ATP9B: variants seen among roughly 807,000 people sequenced by gnomAD.
ATP9B encodes ATPase phospholipid transporting 9B, also known as probable phospholipid-transporting ATPase IIB.
ATP9B carries 110 observed loss-of-function variants against 146.1 expected under a neutral mutation model. That is an observed-to-expected ratio of 0.75 (90% confidence interval 0.65 to 0.88). ATP9B has a LOEUF of 0.88. Ranked by LOEUF, ATP9B falls within the 40% of genes least tolerant of loss-of-function variation. ATP9B has a pLI of 0.00. For missense variants in ATP9B, 1,499 were observed against 1,496.4 expected (o/e 1.00, Z -0.03); for synonymous variants, 604 against 569.7 (o/e 1.06, Z -0.86).
Position 79,181,741 on chromosome 18 carries a change from A to G in ATP9B, c.873+4834A>G, listed in dbSNP as rs115195588. 3.7e-3 allele frequency among the ~76,000 whole-genome samples: 562 copies of G among 152,102 alleles called. 3 individuals carry two copies. Among genetic ancestry groups the G allele is most frequent in the South Asian group, 0.024 (115 of 4,824 alleles). ...TTATTCTGAGTGTTGTAATCTCTGG[A>G]TGTTTCATACGTTTCTCTCATTTTT... On this transcript the variant is annotated intron_variant, in intron 8 of 29. Transcript: ENST00000426216.
intron 12 of ATP9B, among the ~76,000 whole-genome samples, chr18:79,256,413 C>T (rs1490128025): frequency 2.7e-5 from 4 of 150,676 alleles, no homozygotes; most frequent in African/African-American, 9.7e-5. Flanking sequence ...AAATCCCATG[C>T]TACCATCTTT....
chr18:79,236,551 T>C (rs964492913), intron 11 of ATP9B, among the ~76,000 whole-genome samples: 3 of 152,262 alleles, frequency 2.0e-5, no homozygotes, highest in Non-Finnish European at 2.9e-5. Flanking sequence ...TCTGAAGTTT[T>C]ATTGTTTCCT....
intron 11 of ATP9B, among the ~76,000 whole-genome samples, chr18:79,222,024 A>G (rs984613022): frequency 4.6e-5 from 7 of 152,090 alleles, no homozygotes; most frequent in African/African-American, 1.4e-4. Flanking sequence ...CCTGAGTTCA[A>G]CAGACATTTC....
chr18:79,128,991 T>A (rs2094334005), intron 5 of ATP9B, among the ~76,000 whole-genome samples: 2 of 152,192 alleles, frequency 1.3e-5, no homozygotes, highest in Non-Finnish European at 2.9e-5. Context: ...TAATGGCCCA[T>A]GTTCCCAGTT....
At position 79,373,989 on chromosome 18, in the gene ATP9B, G is replaced by A; in HGVS notation, c.3162G>A (p.Glu1054=). ...CCTTCACCGCACTGATCCTGACCGA[G>A]CTGCTGATGGTGGCGCTGACCGTCC... ...AISFTALILT[E]LLMVALTVRT... The change falls in exon 28 of 30, where the codon GAG becomes GAA. Residue 1054 remains glutamate, a synonymous_variant. Transcript: ENST00000426216. The A allele has an allele frequency of 6.2e-7, 1 of 1,614,178 alleles. No homozygotes were observed. Among genetic ancestry groups the A allele is most frequent in the Non-Finnish European group, 8.5e-7 (1 of 1,180,052 alleles).
At chr18:79,182,533 A>C (rs2095262871) in intron 8 of ATP9B, among the ~76,000 whole-genome samples, 1 of 151,964 alleles carries the variant, frequency 6.6e-6, no homozygotes, top group African/African-American at 2.4e-5. Flanking sequence ...ACCTGGGCTT[A>C]TGTGGGGCAC....
At chr18:79,290,610 C>T (rs745502968) in intron 13 of ATP9B, among the ~76,000 whole-genome samples, 10 of 152,322 alleles carry the variant, frequency 6.6e-5, no homozygotes, top group Middle Eastern at 3.4e-3. Flanking sequence ...GCGCAACATG[C>T]GCTGCACCCA....
At chr18:79,308,373 G>A (rs1012922613) in intron 15 of ATP9B, among the ~76,000 whole-genome samples, 2 of 152,160 alleles carry the variant, frequency 1.3e-5, no homozygotes, top group Non-Finnish European at 2.9e-5. Flanking sequence ...TGTTAGAGCC[G>A]GGAAGTGGAG....
Position 79,353,837 on chromosome 18 carries a change from A to C in ATP9B, c.2904-5517A>C, listed in dbSNP as rs1212054798. On this transcript the variant is annotated intron_variant, in intron 25 of 29. Transcript: ENST00000426216. ...GTTTTTGTTGTTAAAGGTTGAAGAG[A>C]TAGGGAGGGGTTGTTCAAAGAAAGT... The C allele has an allele frequency of 2.6e-5, 4 of 152,236 alleles. No individual in the cohort carries two copies. In the East Asian group the frequency reaches 7.7e-4, roughly 29 times the overall value. The allele number at this position is 152,236 out of a possible 1,614,324, so 9.4% of individuals were successfully genotyped here.
chr18:79,166,343 C>G (rs112617641), intron 7 of ATP9B, among the ~76,000 whole-genome samples: 1 of 152,202 alleles, frequency 6.6e-6, no homozygotes, highest in East Asian at 1.9e-4. Context: ...CAATGGGACT[C>G]GGAGCAAATG....
In ATP9B at chr18:79,345,533, C is replaced by T. The variant is rs763819435; in HGVS notation, c.2578C>T (p.Leu860=). 1 of 1,611,792 alleles carries T rather than the reference C, an allele frequency of 6.2e-7. No homozygotes were observed. The highest frequency in any genetic ancestry group is 8.5e-7 in the Non-Finnish European group (1 of 1,180,028). ...CACCCAGAAGGCCCGCATTGTGACA[C>T]TGCTGCAGCAGCACACAGGGAGACG... ...SPTQKARIVT[L]LQQHTGRRTC... The change falls in exon 22 of 30, where the codon CTG becomes TTG. Residue 860 remains leucine (L), a synonymous_variant. Transcript: ENST00000426216.
chr18:79,372,805 C>T lies in ATP9B; in HGVS notation c.3013-20C>T, dbSNP rs376092409. 33 of 1,577,450 alleles carry T rather than the reference C, an allele frequency of 2.1e-5. No individual in the cohort carries two copies. Among genetic ancestry groups the T allele is most frequent in the Non-Finnish European group, 2.9e-5 (33 of 1,146,766 alleles). ...CAGGTGGTTCTGCGCACTAACGACG[C>T]TCTTCCACTGTTTCCCTAGGGAAGA... On this transcript the variant is annotated intron_variant, in intron 26 of 29. Transcript: ENST00000426216.
chr18:79,182,760 A>G (rs1433793751), intron 8 of ATP9B, among the ~76,000 whole-genome samples: 1 of 152,202 alleles, frequency 6.6e-6, no homozygotes, highest in Non-Finnish European at 1.5e-5. Context: ...TTATAATTAA[A>G]CTAAAACAAA....
At chr18:79,201,063 T>A (rs948327254) in intron 9 of ATP9B, among the ~76,000 whole-genome samples, 1 of 152,210 alleles carries the variant, frequency 6.6e-6, no homozygotes, top group Admixed American at 6.5e-5. Context: ...TGTGGGAGGC[T>A]GTGCCACTCA....
chr18:79,282,636 A>G (rs1295719596), intron 13 of ATP9B, among the ~76,000 whole-genome samples: 1 of 152,254 alleles, frequency 6.6e-6, no homozygotes, highest in Non-Finnish European at 1.5e-5. Flanking sequence ...TAGTGTAAAC[A>G]TCACTTTTCT....
rs186028559 is a variant in ATP9B at position 79,253,720 on chromosome 18, G to T, written c.1268+179G>T. ...AATGTTGTTGGGGGAGACGTCATCA[G>T]TGCCGGTAGAATGATCTAGAGGTGC... is the stretch of plus-strand genomic sequence containing the variant. On this transcript the variant is annotated intron_variant, in intron 12 of 29. Transcript: ENST00000426216. The T allele has an allele frequency of 8.3e-6, 5 of 605,370 alleles. No individual in the cohort carries two copies. The Admixed American group carries it at 1.1e-4, about 13-fold the overall frequency. The allele number at this position is 605,370 out of a possible 1,614,324, so 37.5% of individuals were successfully genotyped here.
chr18:79,224,487 T>A (rs1251646047), intron 11 of ATP9B, among the ~76,000 whole-genome samples: 1 of 152,108 alleles, frequency 6.6e-6, no homozygotes, highest in Non-Finnish European at 1.5e-5. Flanking sequence ...CCAGGAGGAT[T>A]TCTGTGGGCT....
chr18:79,084,753 T>C (rs898091720), intron 1 of ATP9B, among the ~76,000 whole-genome samples: 10 of 152,348 alleles, frequency 6.6e-5, no homozygotes, highest in South Asian at 2.1e-4. Context: ...ATTGTACTTA[T>C]TGTATTTTAA....
chr18:79,133,371 T>C (rs1456740518), intron 5 of ATP9B, among the ~76,000 whole-genome samples: 1 of 152,168 alleles, frequency 6.6e-6, no homozygotes, highest in African/African-American at 2.4e-5. Flanking sequence ...AAAACCACAG[T>C]TACTTTTGCA....
Sources: allele counts gnomAD v4.1 joint callset (sites outside exome capture counted in the v4.1 genomes callset), GRCh38; gene constraint gnomAD v4.1.1; transcripts MANE v1.5; gene names NCBI Gene and HGNC (gene_info 2026-07-23, HGNC 2026-07-21).